The following GABRR3 variants were observed in gnomAD, a reference collection of about 807,000 sequenced individuals.
GABRR3 encodes the protein gamma-aminobutyric acid receptor subunit rho-3.
A neutral mutation model predicts 43.2 loss-of-function variants in GABRR3; 29 were observed. That is an observed-to-expected ratio of 0.67 (90% CI 0.50 to 0.92). The LOEUF is 0.92. GABRR3 is among the 40% of genes least tolerant of loss of function. GABRR3 has a pLI of 0.00. For synonymous variants in GABRR3, 206 were observed against 195.9 expected (o/e 1.05, Z -0.43); for missense variants, 576 against 572.3 (o/e 1.01, Z -0.07).
intron 2 of GABRR3, among the ~76,000 whole-genome samples, chr3:98,033,757 C>T (rs970414737): frequency 3.3e-5 from 5 of 152,082 alleles, no homozygotes; most frequent in Non-Finnish European, 5.9e-5. Flanking sequence ...ATTGCTATGA[C>T]GAAGACTGGG....
chr3:98,005,853 A>C (rs971132891), intron 7 of GABRR3, among the ~76,000 whole-genome samples: 5 of 152,144 alleles, frequency 3.3e-5, no homozygotes, highest in Admixed American at 3.3e-4. Flanking sequence ...TTTGATTTCT[A>C]TGCTTCATAT....
At chr3:98,031,606 A>G (rs185020426) in intron 2 of GABRR3, among the ~76,000 whole-genome samples, 108 of 152,126 alleles carry the variant, frequency 7.1e-4, no homozygotes, top group African/African-American at 2.4e-3. Flanking sequence ...AGCCAGGTGT[A>G]GTGGCACACG....
At position 98,034,971 on chromosome 3, in the gene GABRR3, T is replaced by C. The variant is rs554842303; in HGVS notation, c.17A>G (p.Gln6Arg). Reference sequence around the variant, plus strand: ...CCAGATGTAGGTGAAGGAGACTAACTGGAAAGCCAGGACCATCTCTTCCAA... The same window carrying C: ...CCAGATGTAGGTGAAGGAGACTAACCGGAAAGCCAGGACCATCTCTTCCAA... Residue 6 changes from glutamine (Q) to arginine (R), a missense_variant, in exon 2 of 10, where the codon CAG becomes CGG. Physicochemically the swap from Gln to Arg is conservative, Grantham distance 43. Transcript: ENST00000621172. 105 of 1,612,668 alleles carry C rather than the reference T, an allele frequency of 6.5e-5. 1 individual carries two copies. In the South Asian group the frequency reaches 1.1e-3, roughly 16 times the overall value.
chr3:98,018,051 T>C (rs1706894855), intron 3 of GABRR3, among the ~76,000 whole-genome samples: 1 of 151,930 alleles, frequency 6.6e-6, no homozygotes, highest in African/African-American at 2.4e-5. Flanking sequence ...TACTAGTGAT[T>C]TAAAAAGGAA....
chr3:98,031,798 T>C (rs1707089787), intron 2 of GABRR3, among the ~76,000 whole-genome samples: 1 of 152,142 alleles, frequency 6.6e-6, no homozygotes, highest in Non-Finnish European at 1.5e-5. Flanking sequence ...AGGCTGAACC[T>C]GACCAGCCAG....
intron 9 of GABRR3, among the ~76,000 whole-genome samples, chr3:97,991,367 C>T (rs1360264769): frequency 6.6e-6 from 1 of 152,186 alleles, no homozygotes; most frequent in African/African-American, 2.4e-5. Context: ...CCACCCCAAA[C>T]CTCCTGAATT....
At chr3:98,029,814 T>C (rs832047) in intron 2 of GABRR3, among the ~76,000 whole-genome samples, 3 of 151,784 alleles carry the variant, frequency 2.0e-5, no homozygotes, top group Non-Finnish European at 4.4e-5. Context: ...TAGTGCCCCA[T>C]GCTGTGAAGG....
chr3:98,000,727 T>A (rs754433617), intron 8 of GABRR3: 4 of 152,098 alleles, frequency 2.6e-5, no homozygotes, highest in Non-Finnish European at 5.9e-5. Flanking sequence ...ATGATTGTAA[T>A]AATAACAATC....
intron 8 of GABRR3, among the ~76,000 whole-genome samples, chr3:97,995,796 C>A (rs562452004): frequency 6.6e-6 from 1 of 152,114 alleles, no homozygotes; most frequent in Non-Finnish European, 1.5e-5. Flanking sequence ...AGTATTCCTT[C>A]CAAACCCATT....
intron 8 of GABRR3, chr3:97,999,855 G>C (rs1470151501): frequency 2.0e-5 from 3 of 152,112 alleles, no homozygotes; most frequent in African/African-American, 7.2e-5. Context: ...GTTGGTCCTA[G>C]ATTTGGAGAG....
chr3:98,023,099 TG>T (rs1706971181), intron 3 of GABRR3, among the ~76,000 whole-genome samples: 1 of 152,086 alleles, frequency 6.6e-6, no homozygotes, highest in African/African-American at 2.4e-5. Context: ...AATCCTGAGT[TG>T]GGGCCCGTGC....
intron 9 of GABRR3, among the ~76,000 whole-genome samples, chr3:97,990,434 G>A (rs568670187): frequency 1.4e-3 from 216 of 151,776 alleles, no homozygotes; most frequent in African/African-American, 5.1e-3. Flanking sequence ...CTGCAACCTC[G>A]GCCTCCCAGG....
chr3:97,991,086 GT>G (rs1706460563), intron 9 of GABRR3, among the ~76,000 whole-genome samples: 1 of 152,238 alleles, frequency 6.6e-6, no homozygotes, highest in Admixed American at 6.5e-5. Flanking sequence ...AACACACGTT[GT>G]GTGGCAGGTG....
At chr3:98,026,729 T>C (rs1206714375) in intron 2 of GABRR3, among the ~76,000 whole-genome samples, 2 of 152,166 alleles carry the variant, frequency 1.3e-5, no homozygotes, top group African/African-American at 2.4e-5. Flanking sequence ...CTAATATGCT[T>C]TTGTATTAAT....
At chr3:97,992,502 AC>A (rs1706484207) in intron 9 of GABRR3, among the ~76,000 whole-genome samples, 1 of 151,756 alleles carries the variant, frequency 6.6e-6, no homozygotes, top group Admixed American at 6.6e-5. Context: ...ATATATAATA[AC>A]CCCCCATTAC....
chr3:98,032,774 C>G (rs2107254346), intron 2 of GABRR3, among the ~76,000 whole-genome samples: 1 of 152,106 alleles, frequency 6.6e-6, no homozygotes, highest in East Asian at 1.9e-4. Context: ...AAAACTGGCC[C>G]CAAACAATGC....
exon 8 of GABRR3, chr3:98,001,754 C>T (rs1706646459): frequency 6.2e-7 from 1 of 1,612,882 alleles, no homozygotes; most frequent in African/African-American, 1.3e-5. Flanking sequence ...TGATGAAAAG[C>T]CTATTGTACC....
chr3:98,012,431 T>C, exon 5 of GABRR3: 2 of 1,613,816 alleles, frequency 1.2e-6, no homozygotes, highest in Middle Eastern at 1.7e-4. Context: ...TCTTTTAGAG[T>C]GGACAAAAAA....
intron 3 of GABRR3, among the ~76,000 whole-genome samples, chr3:98,021,920 T>C (rs954822926): frequency 6.6e-6 from 1 of 152,222 alleles, no homozygotes; most frequent in Non-Finnish European, 1.5e-5. Flanking sequence ...GCTGCTTTGT[T>C]AGCTAGAGAG....
Sources: allele counts gnomAD v4.1 joint callset (sites outside exome capture counted in the v4.1 genomes callset), GRCh38; gene constraint gnomAD v4.1.1; transcripts MANE v1.5; gene names NCBI Gene and HGNC (gene_info 2026-07-23, HGNC 2026-07-21).